Variants in TRAPPC8 observed in about 807,000 individuals in gnomAD.
The protein encoded by TRAPPC8 is general sporulation gene 1 homolog.
TRAPPC8 carries 54 observed loss-of-function variants against 174.3 expected under a neutral mutation model. That is an observed-to-expected ratio of 0.31 (90% confidence interval 0.25 to 0.39). TRAPPC8 has a LOEUF of 0.39. Ranked by LOEUF, TRAPPC8 falls within the 10% of genes least tolerant of loss-of-function variation. TRAPPC8 has a pLI of 1.00. For synonymous variants in TRAPPC8, 630 were observed against 579.9 expected, an observed-to-expected ratio of 1.09 and a Z score of -1.24; for missense variants, 1,531 against 1,699.1, an observed-to-expected ratio of 0.90 and a Z score of 1.74.
At chr18:31,924,463 A>C (rs1192755688) in intron 2 of TRAPPC8, among the ~76,000 whole-genome samples, 3 of 119,886 alleles carry the variant, frequency 2.5e-5, no homozygotes, top group South Asian at 4.8e-4. Context: ...CTCCCCACCG[A>C]AAAAAAAAAA....
intron 2 of TRAPPC8, among the ~76,000 whole-genome samples, chr18:31,921,807 T>C (rs984300515): frequency 1.3e-5 from 2 of 152,142 alleles, no homozygotes; most frequent in Non-Finnish European, 1.5e-5. Flanking sequence ...GTTCTACTCT[T>C]AGGATGAGGT....
intron 12 of TRAPPC8, among the ~76,000 whole-genome samples, chr18:31,885,301 A>G (rs982291096): frequency 6.6e-6 from 1 of 152,224 alleles, no homozygotes; most frequent in Non-Finnish European, 1.5e-5. Flanking sequence ...CATCATGAAA[A>G]TAGCAGAGAC....
intron 10 of TRAPPC8, among the ~76,000 whole-genome samples, chr18:31,900,031 C>T (rs1287036194): frequency 2.0e-5 from 3 of 151,116 alleles, no homozygotes; most frequent in Non-Finnish European, 3.0e-5. Context: ...TGAGGTCAAG[C>T]ATTCGAGACC....
At chr18:31,935,548 T>TGGAAAAAAAAAAAAAAA (rs745488703) in intron 1 of TRAPPC8, among the ~76,000 whole-genome samples, 1 of 46,286 alleles carries the variant, frequency 2.2e-5, no homozygotes, top group Non-Finnish European at 3.5e-5. Flanking sequence ...AACTCCATCT[T>TGGAAAAAAAAAAAAAAA]AAAAAAAAAA....
At chr18:31,834,689 C>T (rs1202660784) in intron 27 of TRAPPC8, among the ~76,000 whole-genome samples, 1 of 152,100 alleles carries the variant, frequency 6.6e-6, no homozygotes, top group East Asian at 1.9e-4. Context: ...TTCAAAAGCT[C>T]CATAAACATT....
intron 9 of TRAPPC8, among the ~76,000 whole-genome samples, chr18:31,903,726 A>C (rs1375231422): frequency 6.6e-6 from 1 of 152,088 alleles, no homozygotes; most frequent in East Asian, 1.9e-4. Flanking sequence ...ATCATATTTC[A>C]TTTTAAAACC....
chr18:31,941,215 G>T (rs1360096789), intron 1 of TRAPPC8, among the ~76,000 whole-genome samples: 1 of 152,170 alleles, frequency 6.6e-6, no homozygotes, highest in Non-Finnish European at 1.5e-5. Flanking sequence ...GGCCGAGGCG[G>T]GCAGATCACC....
chr18:31,856,760 C>G (rs900958963), intron 20 of TRAPPC8, among the ~76,000 whole-genome samples: 5 of 151,696 alleles, frequency 3.3e-5, no homozygotes, highest in Non-Finnish European at 7.4e-5. Context: ...AGAATAATAC[C>G]CACTACTCTC....
rs566639359 is a variant in TRAPPC8 at position 31,899,721 on chromosome 18, C to T, written c.1490+1204G>A. Among the ~76,000 whole-genome samples the T allele has an allele frequency of 7.3e-5, 11 of 151,558 alleles. No homozygotes were observed. The East Asian group carries it at 2.2e-3, about 30-fold the overall frequency. ...CAGGATTTTGGGAGGCCAAGGTGGG[C>T]GGATCATGAGGTCAAAAGTTTGAGA... On this transcript the variant is annotated intron_variant, in intron 10 of 28. Transcript: ENST00000283351.
At chr18:31,935,424 G>C (rs2038045936) in intron 1 of TRAPPC8, among the ~76,000 whole-genome samples, 1 of 148,534 alleles carries the variant, frequency 6.7e-6, no homozygotes, top group African/African-American at 2.5e-5. Flanking sequence ...GCTGCACCCA[G>C]TGGCTCAAGC....
intron 16 of TRAPPC8, chr18:31,870,136 CA>C (rs2034779350): frequency 3.6e-6 from 1 of 276,024 alleles, no homozygotes; most frequent in African/African-American, 2.2e-5. Flanking sequence ...AGATACACAG[CA>C]AAATGTTAAA....
At chr18:31,897,211 GC>G (rs2036219811) in intron 11 of TRAPPC8, among the ~76,000 whole-genome samples, 1 of 152,082 alleles carries the variant, frequency 6.6e-6, no homozygotes, top group African/African-American at 2.4e-5. Flanking sequence ...TTCTTTACAA[GC>G]CTGCAGTCAA....
intron 25 of TRAPPC8, 95 bp downstream of exon 25, chr18:31,849,471 G>A: frequency 9.2e-7 from 1 of 1,084,000 alleles, no homozygotes. Flanking sequence ...GAAAAGATAA[G>A]CATAAAAAAT....
intron 2 of TRAPPC8, among the ~76,000 whole-genome samples, chr18:31,928,662 G>A (rs974362491): frequency 7.2e-5 from 11 of 152,126 alleles, no homozygotes; most frequent in African/African-American, 2.7e-4. Flanking sequence ...CTATTACAAT[G>A]TATTGTTGAT....
intron 4 of TRAPPC8, among the ~76,000 whole-genome samples, chr18:31,914,351 T>C (rs982771924): frequency 6.6e-6 from 1 of 152,094 alleles, no homozygotes; most frequent in Non-Finnish European, 1.5e-5. Flanking sequence ...TGAAGGACAA[T>C]AAAGCAAACT....
intron 12 of TRAPPC8, among the ~76,000 whole-genome samples, chr18:31,878,798 G>C (rs2035285514): frequency 6.6e-6 from 1 of 151,570 alleles, no homozygotes; most frequent in African/African-American, 2.4e-5. Context: ...CACGCAAATG[G>C]AAAACAAAAA....
chr18:31,941,693 TAA>T (rs2038352135), intron 1 of TRAPPC8, among the ~76,000 whole-genome samples: 1 of 152,214 alleles, frequency 6.6e-6, no homozygotes, highest in African/African-American at 2.4e-5. Flanking sequence ...TTTTTGTGGA[TAA>T]GTCATATTAA....
rs750734168 is a variant in TRAPPC8 at position 31,855,727 on chromosome 18, G to T, written c.3269C>A (p.Ser1090Tyr). The part of the protein sequence containing the change: ...NVRATVCRSN[S>Y]LENEEGRGGN... Reference sequence around the variant, plus strand: ...TCCTCTGCCTTCTTCATTTTCAAGAGAATTACTTCTGCAGACAGTGGCCCG... The same window carrying T: ...TCCTCTGCCTTCTTCATTTTCAAGATAATTACTTCTGCAGACAGTGGCCCG... Residue 1090 changes from serine to tyrosine, a missense_variant, in exon 21 of 29, where the codon TCT becomes TAT. Physicochemically the swap from Ser to Tyr is moderately radical, Grantham distance 144 (BLOSUM62 -2). Coordinates refer to ENST00000283351, the MANE Select transcript of TRAPPC8 (RefSeq NM_014939.5). 6.2e-7 allele frequency: 1 copy of T among 1,610,598 alleles called. No homozygotes were observed.
At chr18:31,873,377 A>C (rs866953217) in intron 14 of TRAPPC8, 53 bp downstream of exon 14, 14 of 1,408,882 alleles carry the variant, frequency 9.9e-6, no homozygotes, top group African/African-American at 2.9e-5. Context: ...AAAGGAAAAG[A>C]AGTTTTTTTT....
Sources: allele counts gnomAD v4.1 joint callset (sites outside exome capture counted in the v4.1 genomes callset), GRCh38; gene constraint gnomAD v4.1.1; transcripts MANE v1.5; gene names NCBI Gene and HGNC (gene_info 2026-07-23, HGNC 2026-07-21).